Variants in STX17 observed in about 807,000 individuals in gnomAD.
The protein encoded by STX17 is syntaxin 17.
STX17 carries 29 observed loss-of-function variants against 35.9 expected under a neutral mutation model. The observed-to-expected ratio is 0.81, with a 90% CI of 0.60 to 1.10. The LOEUF (loss-of-function observed/expected upper bound fraction) is 1.10, where lower values mean the gene tolerates loss of function less well. Ranked by LOEUF, STX17 falls within the 50% of genes least tolerant of loss-of-function variation. The pLI is 0.00. For synonymous variants in STX17, 92 were observed against 118.3 expected, an observed-to-expected ratio of 0.78 and a Z score of 1.44; for missense variants, 312 against 352.3, an observed-to-expected ratio of 0.89 and a Z score of 0.92.
Position 99,968,497 on chromosome 9 carries a change from G to C in STX17, c.733G>C (p.Gly245Arg). The change falls in exon 8 of 8, where the codon GGT becomes CGT. Residue 245 changes from glycine to arginine, a missense_variant. Physicochemically the swap from Gly to Arg is moderately radical, Grantham distance 125 (BLOSUM62 -2). Coordinates refer to ENST00000259400, the MANE Select transcript of STX17 (RefSeq NM_017919.3). ...AGALIGGMVG[G>R]PIGLLAGFKV... ...TGCACTCATCGGGGGAATGGTAGGG[G>C]GTCCTATTGGCCTCCTTGCAGGCTT... 6.2e-7 allele frequency: 1 copy of C among 1,611,490 alleles called. No individual in the cohort carries two copies. Among genetic ancestry groups the C allele is most frequent in the Non-Finnish European group, 8.5e-7 (1 of 1,178,594 alleles).
At chr9:99,958,802 T>C (rs1451329618) in intron 4 of STX17, among the ~76,000 whole-genome samples, 2 of 152,222 alleles carry the variant, frequency 1.3e-5, no homozygotes, top group African/African-American at 2.4e-5. Flanking sequence ...GACTTGAAGG[T>C]AGATTTTAAA....
chr9:99,963,197 A>T (rs796753180), intron 6 of STX17, among the ~76,000 whole-genome samples: 2 of 152,300 alleles, frequency 1.3e-5, no homozygotes, highest in African/African-American at 4.8e-5. Flanking sequence ...AAGGTATAGT[A>T]CAATAAATGT....
At chr9:99,916,189 T>C in intron 2 of STX17, 1 of 411,942 alleles carries the variant, frequency 2.4e-6, no homozygotes, top group Non-Finnish European at 4.8e-6. Context: ...GATGAATTAG[T>C]CTCAGGGACT....
intron 2 of STX17, among the ~76,000 whole-genome samples, chr9:99,917,946 C>A (rs1828808699): frequency 6.6e-6 from 1 of 152,122 alleles, no homozygotes; most frequent in African/African-American, 2.4e-5. Context: ...GGTACAGTGG[C>A]TGCTCAGCAA....
At position 99,906,671 on chromosome 9, in the gene STX17, G is replaced by C. The variant is rs1012872432; in HGVS notation, c.-98G>C. On this transcript the variant is annotated 5_prime_UTR_variant, in exon 1 of 8. Transcript: ENST00000259400. ...GCCCCGTCGCTCCTGCGCCTGCGCC[G>C]TGCCCACCGACCGGCCTCGAGCGCC... 2 of 151,550 alleles carry C rather than the reference G, an allele frequency of 1.3e-5. No homozygotes were observed. The highest frequency in any genetic ancestry group is 1.3e-4 in the Admixed American group (2 of 15,218). The allele number at this position is 151,550 out of a possible 1,614,324, so 9.4% of individuals were successfully genotyped here. A position where few individuals can be genotyped will look rare whatever the true frequency, so the allele number is the denominator to read the frequency against.
chr9:99,912,145 G>A (rs1828679003), intron 1 of STX17, among the ~76,000 whole-genome samples: 1 of 152,026 alleles, frequency 6.6e-6, no homozygotes, highest in Non-Finnish European at 1.5e-5. Flanking sequence ...AGAACTGCTT[G>A]AACCCGGGAG....
intron 4 of STX17, among the ~76,000 whole-genome samples, chr9:99,951,858 A>G (rs1829605786): frequency 6.6e-6 from 1 of 152,024 alleles, no homozygotes; most frequent in Admixed American, 6.6e-5. Context: ...AATTCTGAAA[A>G]TATTCTTGGC....
At chr9:99,937,784 T>C (rs977121187) in intron 3 of STX17, 1 of 152,196 alleles carries the variant, frequency 6.6e-6, no homozygotes, top group African/African-American at 2.4e-5. Context: ...TCTAGTGATA[T>C]TTGATTGGGT....
At chr9:99,959,721 A>G (rs955852828) in intron 4 of STX17, among the ~76,000 whole-genome samples, 196 bp from the exon 5 acceptor site, 1 of 152,284 alleles carries the variant, frequency 6.6e-6, no homozygotes, top group Middle Eastern at 3.4e-3. Context: ...TCAGCCTGCC[A>G]AAGTGCTGAG....
At chr9:99,935,174 C>T (rs1564065086) in intron 3 of STX17, among the ~76,000 whole-genome samples, 2 of 151,506 alleles carry the variant, frequency 1.3e-5, no homozygotes, top group Admixed American at 6.6e-5. Flanking sequence ...ACTAAAAATA[C>T]AAAAAATTAG....
intron 2 of STX17, among the ~76,000 whole-genome samples, chr9:99,918,997 T>C (rs945622942): frequency 2.0e-5 from 3 of 152,090 alleles, no homozygotes; most frequent in African/African-American, 7.2e-5. Context: ...TTCAGATATT[T>C]ATTGTCCAGG....
intron 3 of STX17, among the ~76,000 whole-genome samples, chr9:99,943,817 A>G (rs917064342): frequency 6.6e-6 from 1 of 152,144 alleles, no homozygotes; most frequent in Non-Finnish European, 1.5e-5. Context: ...AGGTTGTGCT[A>G]TCATAAAGAG....
In STX17 at chr9:99,967,659, C is replaced by A. The variant is rs1554703422; in HGVS notation, c.589C>A (p.Gln197Lys). The A allele has an allele frequency of 1.9e-6, 3 of 1,613,656 alleles. No individual in the cohort carries two copies. The highest frequency in any genetic ancestry group is 2.5e-6 in the Non-Finnish European group (3 of 1,179,764). ...TDFSLLVNSQ[Q>K]EKIDSIADHV... is the part of the protein sequence containing the mutation. ...ATAATTCCTTTGCATCTAGTCTCAGCAGGAGAAGATTGACAGCATTGCAGA... is the reference window on the plus strand; with the variant it reads ...ATAATTCCTTTGCATCTAGTCTCAGAAGGAGAAGATTGACAGCATTGCAGA... The change falls in exon 7 of 8, where the codon CAG (glutamine) becomes AAG (lysine). Residue 197 changes from glutamine to lysine, a missense_variant. By Grantham distance (53) the Gln-to-Lys change is moderately conservative. Coordinates refer to ENST00000259400, the MANE Select transcript of STX17 (RefSeq NM_017919.3).
At chr9:99,925,595 C>A (rs1828971664) in intron 2 of STX17, among the ~76,000 whole-genome samples, 1 of 151,840 alleles carries the variant, frequency 6.6e-6, no homozygotes, top group Non-Finnish European at 1.5e-5. Context: ...TTTATTTTGC[C>A]TTATTTAAAA....
At chr9:99,907,867 C>CT (rs1358678642) in intron 1 of STX17, among the ~76,000 whole-genome samples, 45 of 152,274 alleles carry the variant, frequency 3.0e-4, no homozygotes, top group Admixed American at 2.8e-3. Context: ...AGGATCCACT[C>CT]TAAGACCCGA....
chr9:99,968,440 A>G lies in STX17; in HGVS notation c.676A>G (p.Lys226Glu), dbSNP rs559518913. The G allele has an allele frequency of 1.1e-5, 17 of 1,537,936 alleles. No homozygotes were observed. Among genetic ancestry groups the G allele is most frequent in the Admixed American group, 2.2e-5 (1 of 45,132 alleles). Residue 226 changes from lysine (K) to glutamate (E), a missense_variant, in exon 8 of 8, where the codon AAA (lysine) becomes GAA (glutamate). Coordinates refer to ENST00000259400, the MANE Select transcript of STX17 (RefSeq NM_017919.3). ...ATTTTTTTTTTTTTTACAGGCTGCAAAATACAAGCTGGCAGCTCTGCCTGT... is the reference window on the plus strand; with the variant it reads ...ATTTTTTTTTTTTTTACAGGCTGCAGAATACAAGCTGGCAGCTCTGCCTGT... ...EGTKNLGKAA[K>E]YKLAALPVAG...
intron 4 of STX17, chr9:99,953,888 C>T (rs888235107): frequency 1.3e-5 from 2 of 151,788 alleles, no homozygotes; most frequent in Non-Finnish European, 2.9e-5. Flanking sequence ...TAGAACTGTT[C>T]GGGATCAACA....
intron 3 of STX17, among the ~76,000 whole-genome samples, chr9:99,932,883 T>C (rs930812952): frequency 3.9e-5 from 6 of 152,172 alleles, no homozygotes; most frequent in Non-Finnish European, 8.8e-5. Context: ...TTTATCATCA[T>C]TAGATTTACG....
intron 6 of STX17, 119 bp from the exon 7 acceptor site, chr9:99,967,534 A>G (rs1829939379): frequency 6.1e-6 from 4 of 655,238 alleles, no homozygotes; most frequent in African/African-American, 5.5e-5. Context: ...TTAATGAACC[A>G]CTATTAAGAT....
Sources: gnomAD v4.1 joint callset for allele counts (sites outside exome capture counted in the v4.1 genomes callset) on GRCh38, gnomAD v4.1.1 for gene constraint, MANE v1.5 for transcripts, NCBI Gene and HGNC (gene_info 2026-07-23, HGNC 2026-07-21) for gene names.